The following TTC14 variants were observed in gnomAD, a reference collection of about 807,000 sequenced individuals.
The protein encoded by TTC14 is tetratricopeptide repeat domain 14.
In TTC14, 63 loss-of-function variants were observed where a neutral mutation model predicts 79.9. The ratio of observed to expected loss-of-function variants is 0.79; its 90% CI spans 0.64 to 0.97. The LOEUF is 0.97. Ranked by LOEUF, TTC14 falls within the 50% of genes least tolerant of loss-of-function variation. The pLI, the probability that TTC14 is intolerant of heterozygous loss-of-function variation, is 0.00. For synonymous variants in TTC14, 335 were observed against 309.6 expected (o/e 1.08, Z -0.86); for missense variants, 895 against 894.0 (o/e 1.00, Z -0.01).
chr3:180,609,414 G>T (rs1281487031), intron 11 of TTC14: 2 of 1,240,242 alleles, frequency 1.6e-6, no homozygotes, highest in Non-Finnish European at 2.0e-6. Context: ...TTTCAGAGAT[G>T]ATGGATTTGC....
At chr3:180,616,820 C>A (rs528695350) in intron 12 of TTC14, 1 of 1,608,984 alleles carries the variant, frequency 6.2e-7, no homozygotes, top group Non-Finnish European at 8.5e-7. Flanking sequence ...TAAAAGATAT[C>A]GATACCTGTT....
intron 6 of TTC14, 196 bp from the exon 7 acceptor site, chr3:180,605,570 C>T (rs778479710): frequency 9.8e-5 from 45 of 460,158 alleles, no homozygotes; most frequent in Non-Finnish European, 1.6e-4. Context: ...CGTGAGCCAC[C>T]GCACCTGGCC....
rs761283696 is a variant in TTC14, at chr3:180,606,245, T to C, written c.930-8T>C. On this transcript the variant is annotated splice_polypyrimidine_tract_variant and splice_region_variant and intron_variant, in intron 7 of 11. Coordinates refer to ENST00000296015, the MANE Select transcript of TTC14 (RefSeq NM_133462.4). ...GTGTTTGTGATGCTTTACAAATGTC[T>C]TTTTTAGTGTGAAGATCGGAGTTGA... 1.2e-6 allele frequency: 2 copies of C among 1,612,976 alleles called. No individual in the cohort carries two copies. The highest frequency in any genetic ancestry group is 1.3e-5 in the African/African-American group (1 of 74,842).
chr3:180,616,966 T>C, intron 12 of TTC14: 1 of 1,330,546 alleles, frequency 7.5e-7, no homozygotes, highest in Non-Finnish European at 1.0e-6. Flanking sequence ...TTTTCCATGC[T>C]CTGTAGAAAA....
chr3:180,610,275 T>G lies in TTC14; in HGVS notation c.2046T>G (p.Val682=). Residue 682 remains valine (V), a synonymous_variant, in exon 12 of 12, where the codon GTT becomes GTG. Transcript: ENST00000296015. ...PASSEYSWKS[V]EKYKKYAHSG... is the part of the protein sequence containing the mutation. ...GCTCAGAATACTCTTGGAAGTCAGT[T>G]GAGAAATACAAAAAATACGCTCACT... is the stretch of plus-strand genomic sequence containing the variant. 1 of 1,613,736 alleles carries G rather than the reference T, an allele frequency of 6.2e-7. No individual in the cohort carries two copies. The highest frequency in any genetic ancestry group is 8.5e-7 in the Non-Finnish European group (1 of 1,179,866).
Position 180,604,689 on chromosome 3 carries a change from A to C in TTC14, c.701+82A>C, listed in dbSNP as rs534578869. The stretch of plus-strand genomic sequence containing the variant: ...GAATACCACATTTTTATAACGGTTA[A>C]ATTACTTCAGACTTGGTAAAAGGAA... On this transcript the variant is annotated intron_variant, in intron 5 of 11. Coordinates refer to ENST00000296015, the MANE Select transcript of TTC14 (RefSeq NM_133462.4). 2.3e-5 allele frequency: 34 copies of C among 1,486,942 alleles called. No individual in the cohort carries two copies. The South Asian group carries it at 3.2e-4, about 14-fold the overall frequency. The allele number at this position is 1,486,942 out of a possible 1,614,324, so 92.1% of individuals were successfully genotyped here.
At chr3:180,602,557 T>A in intron 1 of TTC14, 135 bp downstream of exon 1, 1 of 1,222,108 alleles carries the variant, frequency 8.2e-7, no homozygotes, top group Non-Finnish European at 1.1e-6. Context: ...GCTGGTGTCT[T>A]GGGCTGGGTG....
chr3:180,610,349 C>T lies in TTC14; in HGVS notation c.2120C>T (p.Thr707Ile). The T allele has an allele frequency of 3.1e-6, 5 of 1,612,816 alleles. No homozygotes were observed. Among genetic ancestry groups the T allele is most frequent in the African/African-American group, 2.7e-5 (2 of 74,832 alleles). The change falls in exon 12 of 12, where the codon ACA (threonine) becomes ATA (isoleucine). Residue 707 changes from threonine to isoleucine, a missense_variant. By Grantham distance (89) the Thr-to-Ile change is moderately conservative (BLOSUM62 -1). Transcript: ENST00000296015. ...CATGAGCAAAGATACCGTTTAAATA[C>T]AAATCAAGGAGAATATGAAAGAGAG... is the stretch of plus-strand genomic sequence containing the variant. The part of the protein sequence containing the change: ...SRHEQRYRLN[T>I]NQGEYEREDN...
At position 180,608,749 on chromosome 3, in the gene TTC14, A is replaced by G; in HGVS notation, c.1339A>G (p.Lys447Glu). 3.2e-6 allele frequency: 5 copies of G among 1,561,868 alleles called. No individual in the cohort carries two copies. The highest frequency in any genetic ancestry group is 3.5e-6 in the Non-Finnish European group (4 of 1,157,512). The change falls in exon 11 of 12, where the codon AAA becomes GAA. Residue 447 changes from lysine (K) to glutamate (E), a missense_variant. Coordinates refer to ENST00000296015, the MANE Select transcript of TTC14 (RefSeq NM_133462.4). Reference protein sequence around the residue: ...EKQAEKEEKQKTKKIETSAEK... With the variant: ...EKQAEKEEKQETKKIETSAEK... ...ACAAGCTGAAAAGGAAGAAAAGCAG[A>G]AAACAAAGAAAATAGAAACAAGTGC...
At chr3:180,615,196 T>C (rs1048906604), downstream of TTC14, 2 of 671,704 alleles carry the variant, frequency 3.0e-6, no homozygotes, top group African/African-American at 3.8e-5. Context: ...AAGTACATAT[T>C]AATAGTGTTA....
chr3:180,606,155 C>T, intron 7 of TTC14, 98 bp from the exon 8 acceptor site: 2 of 1,524,856 alleles, frequency 1.3e-6, no homozygotes, highest in Non-Finnish European at 1.8e-6. Flanking sequence ...AATATTTTGC[C>T]AAGTTTGATG....
At chr3:180,616,891 A>G in intron 12 of TTC14, 1 of 1,584,002 alleles carries the variant, frequency 6.3e-7, no homozygotes. Flanking sequence ...TGAAATGAAT[A>G]AGCCTGCTTC....
At chr3:180,611,135 C>T (rs992270800), downstream of TTC14, 1 of 985,300 alleles carries the variant, frequency 1.0e-6, no homozygotes, top group South Asian at 4.7e-5. Context: ...CAGTCATTGG[C>T]TTCCACCCAG....
chr3:180,607,635 C>G lies in TTC14; in HGVS notation c.1173-13C>G. The G allele has an allele frequency of 1.9e-6, 3 of 1,594,290 alleles. No individual in the cohort carries two copies. Among genetic ancestry groups the G allele is most frequent in the Non-Finnish European group, 1.7e-6 (2 of 1,173,064 alleles). ...GTTTTTACAAAAAAGCTAAATCTTT[C>G]TTTCAAATTTAGGTTAGAAGAAGAA... is the stretch of plus-strand genomic sequence containing the variant. On this transcript the variant is annotated splice_polypyrimidine_tract_variant and intron_variant, in intron 9 of 11. Transcript: ENST00000296015.
chr3:180,602,577 C>A, intron 1 of TTC14, 155 bp downstream of exon 1: 1 of 1,062,572 alleles, frequency 9.4e-7, no homozygotes, highest in South Asian at 1.7e-5. Flanking sequence ...GGACGGGGGG[C>A]GCTCCTGGGT....
rs956430351 is a variant in TTC14, at chr3:180,604,684, G to A, written c.701+77G>A. On this transcript the variant is annotated intron_variant, in intron 5 of 11. Coordinates refer to ENST00000296015, the MANE Select transcript of TTC14 (RefSeq NM_133462.4). ...TTGAGGAATACCACATTTTTATAAC[G>A]GTTAAATTACTTCAGACTTGGTAAA... 2.0e-5 allele frequency: 30 copies of A among 1,491,608 alleles called. 1 individual carries two copies. Among genetic ancestry groups the A allele is most frequent in the South Asian group, 1.1e-4 (8 of 76,018 alleles). The allele number at this position is 1,491,608 out of a possible 1,614,324, so 92.4% of individuals were successfully genotyped here.
At chr3:180,606,023 G>C (rs1716663182) in intron 7 of TTC14, 186 bp downstream of exon 7, 2 of 814,682 alleles carry the variant, frequency 2.5e-6, no homozygotes, top group East Asian at 5.4e-5. Flanking sequence ...GTTTTACTCA[G>C]CATTTCAGTT....
chr3:180,603,421 C>T lies in TTC14; in HGVS notation c.486+98C>T, dbSNP rs1438139547. On this transcript the variant is annotated intron_variant, in intron 3 of 11. Coordinates refer to ENST00000296015, the MANE Select transcript of TTC14 (RefSeq NM_133462.4). ...ATGCAGTTGTGCTCAAGTATACCTG[C>T]CAAGATGCTTTTGGAAATTAAATGT... The T allele has an allele frequency of 2.9e-6, 3 of 1,028,094 alleles. No individual in the cohort carries two copies. In the East Asian group the frequency reaches 7.2e-5, roughly 25 times the overall value. 63.7% of individuals were successfully genotyped at this position (1,028,094 alleles called of 1,614,324 possible).
intron 10 of TTC14, chr3:180,608,286 A>T: frequency 1.0e-6 from 1 of 987,188 alleles, no homozygotes; most frequent in African/African-American, 1.7e-5. Flanking sequence ...GTATTTGAAC[A>T]TGGTGATTCC....
Sources: allele counts gnomAD v4.1 joint callset, GRCh38; gene constraint gnomAD v4.1.1; transcripts MANE v1.5; gene names NCBI Gene and HGNC (gene_info 2026-07-23, HGNC 2026-07-21).